NLGN4X: variants seen among roughly 807,000 people sequenced by gnomAD.
NLGN4X encodes neuroligin-4, X-linked.
A neutral mutation model predicts 40.3 loss-of-function variants in NLGN4X; 3 were observed. That is an observed-to-expected ratio of 0.07 (90% confidence interval 0.03 to 0.19). NLGN4X has a LOEUF of 0.19. Among genes scored for constraint, NLGN4X ranks in the 10% least tolerant of loss-of-function variants. The pLI is 1.00. For missense variants in NLGN4X, 382 were observed against 708.3 expected (o/e 0.54, Z 5.23); for synonymous variants, 270 against 306.8 (o/e 0.88, Z 1.25).
chrX:5,978,771 A>G (rs774276692), intron 3 of NLGN4X, among the ~76,000 whole-genome samples: 2 of 111,763 alleles, frequency 1.8e-5, no homozygotes, highest in East Asian at 5.7e-4. Context: ...ACTTATGTAT[A>G]CAGTTATGAA....
intron 1 of NLGN4X, among the ~76,000 whole-genome samples, chrX:6,226,266 C>T (rs1396090958): frequency 9.2e-6 from 1 of 109,013 alleles, no homozygotes; most frequent in Non-Finnish European, 1.9e-5. Flanking sequence ...CAAAAAGAGG[C>T]TGACACCTGC....
intron 2 of NLGN4X, among the ~76,000 whole-genome samples, chrX:6,085,972 G>A (rs1259183139): frequency 8.9e-6 from 1 of 112,237 alleles, no homozygotes; most frequent in Non-Finnish European, 1.9e-5. Context: ...CTGAGGAGAA[G>A]CCCATGTATT....
intron 2 of NLGN4X, among the ~76,000 whole-genome samples, chrX:6,077,417 T>C (rs1602185324): frequency 9.2e-6 from 1 of 108,702 alleles, no homozygotes; most frequent in Non-Finnish European, 1.9e-5. Flanking sequence ...GCCTCCCTCA[T>C]AGCTGGGACC....
intron 3 of NLGN4X, among the ~76,000 whole-genome samples, chrX:5,963,580 T>G (rs149836301): frequency 0.068 from 7,590 of 111,650 alleles, 627 homozygotes; most frequent in African/African-American, 0.23. Context: ...TAGGAGAATT[T>G]CATCTTAAGG....
chrX:6,219,314 C>T (rs1013785825), intron 1 of NLGN4X, among the ~76,000 whole-genome samples: 9 of 106,628 alleles, frequency 8.4e-5, no homozygotes, highest in African/African-American at 3.1e-4. Flanking sequence ...TTCCTTCCCT[C>T]TTCCCTTCCT....
chrX:5,961,648 GAC>G (rs1228866136), intron 3 of NLGN4X, among the ~76,000 whole-genome samples: 1 of 111,689 alleles, frequency 9.0e-6, no homozygotes, highest in Non-Finnish European at 1.9e-5. Context: ...ATTTACATAA[GAC>G]ACAGGAGCTT....
At chrX:6,025,904 CA>C (rs10712022) in intron 3 of NLGN4X, among the ~76,000 whole-genome samples, 23,263 of 79,948 alleles carry the variant, frequency 0.29, 3,044 homozygotes, top group African/African-American at 0.53. Context: ...GACTCCATCT[CA>C]AAAAAAAAAA....
intron 2 of NLGN4X, among the ~76,000 whole-genome samples, chrX:6,043,694 T>C (rs955618663): frequency 8.9e-6 from 1 of 112,169 alleles, no homozygotes; most frequent in South Asian, 3.7e-4. Context: ...TTCTTGTGTG[T>C]GTACCTGACA....
chrX:6,077,825 T>C (rs1404696292), intron 2 of NLGN4X, among the ~76,000 whole-genome samples: 1 of 111,729 alleles, frequency 9.0e-6, no homozygotes, highest in African/African-American at 3.3e-5. Context: ...GAAAGGTATG[T>C]CTCTTTTGCC....
chrX:6,074,689 G>C (rs1420480773), intron 2 of NLGN4X, among the ~76,000 whole-genome samples: 3 of 111,894 alleles, frequency 2.7e-5, no homozygotes, highest in African/African-American at 9.8e-5. Context: ...GAGAGTCATA[G>C]AGAGGAAGGT....
rs747898575 is a variant in NLGN4X at position 5,972,764 on chromosome X, G to A, written c.625+56516C>T. ...TTTGGGAAGACAAGGTGGGGGGCGG[G>A]GGCGGGGTGGGGGCGGGGATGTCTC... On this transcript the variant is annotated intron_variant, in intron 3 of 5. Transcript: ENST00000381095. Among the ~76,000 whole-genome samples, 724 of 98,539 alleles carry A rather than the reference G, an allele frequency of 7.3e-3. 10 individuals carry two copies. Among genetic ancestry groups the A allele is most frequent in the African/African-American group, 0.025 (700 of 28,512 alleles). 85.6% of individuals were successfully genotyped at this position (98,539 alleles called of 115,157 possible).
At chrX:6,132,418 T>C (rs2039700404) in intron 2 of NLGN4X, among the ~76,000 whole-genome samples, 1 of 111,502 alleles carries the variant, frequency 9.0e-6, no homozygotes, top group Non-Finnish European at 1.9e-5. Context: ...GAACTACTGA[T>C]ATTTTGGACT....
chrX:6,142,815 A>G (rs2039975442), intron 2 of NLGN4X, among the ~76,000 whole-genome samples: 1 of 112,395 alleles, frequency 8.9e-6, no homozygotes, highest in South Asian at 3.7e-4. Context: ...CTCAAAATCC[A>G]TTTGATAACA....
intron 2 of NLGN4X, among the ~76,000 whole-genome samples, chrX:6,125,584 A>AAAG (rs1482181313): frequency 2.2e-4 from 25 of 111,524 alleles, no homozygotes; most frequent in African/African-American, 6.2e-4. Context: ...GGTATTAAAA[A>AAAG]AAGAAATTGA....
intron 4 of NLGN4X, among the ~76,000 whole-genome samples, chrX:5,906,638 G>A (rs1255909120): frequency 9.0e-6 from 1 of 110,999 alleles, no homozygotes; most frequent in East Asian, 2.8e-4. Context: ...AGCCCCCCAA[G>A]TAACTGGGAC....
intron 3 of NLGN4X, among the ~76,000 whole-genome samples, chrX:5,925,059 T>C (rs1469415875): frequency 1.8e-5 from 2 of 111,805 alleles, no homozygotes; most frequent in African/African-American, 6.5e-5. Context: ...GTTTTGCAAG[T>C]AGACAGCTGC....
intron 1 of NLGN4X, among the ~76,000 whole-genome samples, chrX:6,215,202 T>A (rs1372257465): frequency 8.9e-6 from 1 of 112,400 alleles, no homozygotes; most frequent in East Asian, 2.8e-4. Flanking sequence ...TAAGCAGATA[T>A]GTTAAAAATT....
intron 2 of NLGN4X, among the ~76,000 whole-genome samples, chrX:6,073,679 A>T (rs1239799433): frequency 9.0e-6 from 1 of 111,342 alleles, no homozygotes; most frequent in African/African-American, 3.3e-5. Flanking sequence ...ATTAGATCAT[A>T]TATAAGATAC....
At chrX:6,108,111 G>A (rs1033550652) in intron 2 of NLGN4X, among the ~76,000 whole-genome samples, 1 of 111,759 alleles carries the variant, frequency 8.9e-6, no homozygotes, top group Non-Finnish European at 1.9e-5. Flanking sequence ...AGTGGAATCT[G>A]GGCTAGGAAA....
Sources: allele counts gnomAD v4.1 joint callset (sites outside exome capture counted in the v4.1 genomes callset), GRCh38; gene constraint gnomAD v4.1.1; transcripts MANE v1.5; gene names NCBI Gene and HGNC (gene_info 2026-07-23, HGNC 2026-07-21).